MLLT3: variants seen among roughly 807,000 people sequenced by gnomAD.
MLLT3 encodes protein AF-9.
In MLLT3, 4 loss-of-function variants were observed where a neutral mutation model predicts 53.2. The observed-to-expected ratio is 0.08, with a 90% CI of 0.04 to 0.17. MLLT3 has a LOEUF of 0.17. MLLT3 is among the 10% of genes least tolerant of loss of function. The pLI is 1.00. For synonymous variants in MLLT3, 283 were observed against 230.6 expected, an observed-to-expected ratio of 1.23 and a Z score of -2.06; for missense variants, 569 against 684.0, an observed-to-expected ratio of 0.83 and a Z score of 1.87.
chr9:20,362,240 A>T (rs1821341762), intron 7 of MLLT3, among the ~76,000 whole-genome samples: 1 of 152,204 alleles, frequency 6.6e-6, no homozygotes. Context: ...ATGACCACAC[A>T]GACTCAGGAG....
At chr9:20,611,726 A>T (rs1366675002) in intron 2 of MLLT3, among the ~76,000 whole-genome samples, 1 of 152,134 alleles carries the variant, frequency 6.6e-6, no homozygotes, top group African/African-American at 2.4e-5. Flanking sequence ...AATCACACCC[A>T]AATGCTGGCC....
intron 2 of MLLT3, among the ~76,000 whole-genome samples, chr9:20,602,479 C>T (rs1820449411): frequency 6.6e-6 from 1 of 152,116 alleles, no homozygotes; most frequent in Non-Finnish European, 1.5e-5. Context: ...ACTTTACTCT[C>T]ACATGGCTTA....
At chr9:20,360,665 G>T in intron 8 of MLLT3, 77 bp downstream of exon 8, 1 of 1,232,072 alleles carries the variant, frequency 8.1e-7, no homozygotes, top group South Asian at 1.2e-5. Context: ...ATTCAGGGAT[G>T]AAAGTTTTGC....
intron 8 of MLLT3, 130 bp downstream of exon 8, chr9:20,360,612 C>T: frequency 1.4e-6 from 1 of 716,802 alleles, no homozygotes; most frequent in Non-Finnish European, 2.5e-6. Flanking sequence ...CAGGCTGTGG[C>T]CTCCCTCCCA....
chr9:20,567,624 T>C (rs1218284952), intron 2 of MLLT3, among the ~76,000 whole-genome samples: 1 of 152,174 alleles, frequency 6.6e-6, no homozygotes, highest in African/African-American at 2.4e-5. Flanking sequence ...ACAAGAAACT[T>C]TCCACAACTT....
chr9:20,457,547 C>T (rs1272511433), intron 2 of MLLT3, among the ~76,000 whole-genome samples: 2 of 151,964 alleles, frequency 1.3e-5, no homozygotes, highest in Non-Finnish European at 2.9e-5. Context: ...CCATGCCTGG[C>T]CTAGAGATGT....
chr9:20,365,827 A>C, intron 5 of MLLT3, 83 bp from the exon 6 acceptor site: 13 of 1,398,236 alleles, frequency 9.3e-6, no homozygotes, highest in Non-Finnish European at 1.3e-5. Context: ...TGTTGCTCAA[A>C]CCATCCTCTG....
At chr9:20,581,322 G>A (rs767922061) in intron 2 of MLLT3, among the ~76,000 whole-genome samples, 1 of 152,048 alleles carries the variant, frequency 6.6e-6, no homozygotes, top group African/African-American at 2.4e-5. Context: ...AAATTAAAGA[G>A]GTGTTAAACA....
At chr9:20,419,525 A>C (rs1032522989) in intron 4 of MLLT3, among the ~76,000 whole-genome samples, 2 of 149,492 alleles carry the variant, frequency 1.3e-5, no homozygotes, top group Admixed American at 6.6e-5. Context: ...CACTATACTT[A>C]AAAAAAAAGG....
chr9:20,607,562 A>G (rs990475031), intron 2 of MLLT3, among the ~76,000 whole-genome samples: 8 of 152,148 alleles, frequency 5.3e-5, no homozygotes, highest in African/African-American at 1.9e-4. Flanking sequence ...GCAGCTAATA[A>G]GAAATACCCA....
intron 5 of MLLT3, among the ~76,000 whole-genome samples, chr9:20,393,903 A>T (rs1008425046): frequency 6.6e-6 from 1 of 152,200 alleles, no homozygotes; most frequent in Non-Finnish European, 1.5e-5. Flanking sequence ...ATATATAATA[A>T]ATTGGTTCTG....
chr9:20,358,537 T>G (rs756020738), intron 8 of MLLT3, among the ~76,000 whole-genome samples: 3 of 152,220 alleles, frequency 2.0e-5, no homozygotes, highest in Non-Finnish European at 4.4e-5. Flanking sequence ...TTTGTTTTGC[T>G]AGACAGGTAA....
intron 2 of MLLT3, among the ~76,000 whole-genome samples, chr9:20,610,283 G>A (rs375510939): frequency 6.6e-6 from 1 of 152,112 alleles, no homozygotes; most frequent in Admixed American, 6.6e-5. Context: ...CTTCAAGTTT[G>A]TGTCTAGCTT....
intron 2 of MLLT3, among the ~76,000 whole-genome samples, chr9:20,538,751 C>T (rs1024000557): frequency 6.6e-6 from 1 of 152,056 alleles, no homozygotes; most frequent in African/African-American, 2.4e-5. Flanking sequence ...ATAAATAAAA[C>T]ACCAATGTTT....
intron 2 of MLLT3, among the ~76,000 whole-genome samples, chr9:20,507,365 G>T (rs1249453794): frequency 6.6e-6 from 1 of 152,128 alleles, no homozygotes; most frequent in East Asian, 1.9e-4. Flanking sequence ...AAATATTTCT[G>T]AAGCCTAAAA....
At chr9:20,619,108 T>A (rs1820918913) in intron 2 of MLLT3, among the ~76,000 whole-genome samples, 1 of 152,194 alleles carries the variant, frequency 6.6e-6, no homozygotes, top group African/African-American at 2.4e-5. Context: ...ATCAACCTCA[T>A]CAGCGATAGA....
intron 2 of MLLT3, among the ~76,000 whole-genome samples, chr9:20,585,492 C>T (rs1407262267): frequency 2.0e-5 from 3 of 152,124 alleles, no homozygotes; most frequent in Non-Finnish European, 4.4e-5. Flanking sequence ...TGTAAAGAAC[C>T]GTGAAACCAT....
At chr9:20,604,794 G>A (rs566259053) in intron 2 of MLLT3, among the ~76,000 whole-genome samples, 9 of 152,066 alleles carry the variant, frequency 5.9e-5, no homozygotes, top group African/African-American at 1.7e-4. Context: ...TTCAGCCAAC[G>A]GAATGGATAA....
chr9:20,574,402 G>C (rs958544269), intron 2 of MLLT3, among the ~76,000 whole-genome samples: 2 of 152,148 alleles, frequency 1.3e-5, no homozygotes, highest in South Asian at 4.1e-4. Flanking sequence ...TCATACCTAT[G>C]AGATATTGCA....
Sources: gnomAD v4.1 joint callset for allele counts (sites outside exome capture counted in the v4.1 genomes callset) on GRCh38, gnomAD v4.1.1 for gene constraint, MANE v1.5 for transcripts, NCBI Gene and HGNC (gene_info 2026-07-23, HGNC 2026-07-21) for gene names.